Variants in GSTA3 observed in about 807,000 individuals in gnomAD.
GSTA3 encodes glutathione S-transferase A3.
A neutral mutation model predicts 23.1 loss-of-function variants in GSTA3; 16 were observed. The ratio of observed to expected loss-of-function variants is 0.69; its 90% confidence interval spans 0.47 to 1.05. The LOEUF (loss-of-function observed/expected upper bound fraction) is 1.05, where lower values mean the gene tolerates loss of function less well. Ranked by LOEUF, GSTA3 falls within the 50% of genes least tolerant of loss-of-function variation. The pLI, the probability that GSTA3 is intolerant of heterozygous loss-of-function variation, is 0.00. For missense variants in GSTA3, 319 were observed against 263.6 expected (o/e 1.21, Z -1.46); for synonymous variants, 122 against 91.0 (o/e 1.34, Z -1.94).
At position 52,902,358 on chromosome 6, in the gene GSTA3, T is replaced by A. The variant is rs1765715903; in HGVS notation, c.260A>T (p.Lys87Met). ...SKYNLYGKDIKERALIDMYTE... is the reference protein window; with the variant it reads ...SKYNLYGKDIMERALIDMYTE... ...AAATATACCGTACAGGGCTCTCTCC[T>A]TTATGTCTTTCCCGTAGAGGTTGTA... The change falls in exon 4 of 7, where the codon AAG (lysine) becomes ATG (methionine). Residue 87 changes from lysine to methionine, a missense_variant. By Grantham distance (95) the Lys-to-Met change is moderately conservative. Coordinates refer to ENST00000211122, the MANE Select transcript of GSTA3 (RefSeq NM_000847.5). The A allele has an allele frequency of 6.2e-7, 1 of 1,613,814 alleles. No individual in the cohort carries two copies. The highest frequency in any genetic ancestry group is 1.3e-5 in the African/African-American group (1 of 74,926).
chr6:52,905,848 T>C lies in GSTA3; in HGVS notation c.-14A>G, dbSNP rs1330876876. On this transcript the variant is annotated 5_prime_UTR_variant, in exon 2 of 7. Coordinates refer to ENST00000211122, the MANE Select transcript of GSTA3 (RefSeq NM_000847.5). ...CTTCCCTGCCATGGTAACAGTCTCT[T>C]GGTTTCTCTAAAATGAATGAATGAA... 6.5e-7 allele frequency: 1 copy of C among 1,531,104 alleles called. No individual in the cohort carries two copies. The highest frequency in any genetic ancestry group is 1.8e-5 in the Admixed American group (1 of 57,008). The allele number at this position is 1,531,104 out of a possible 1,614,324, so 94.8% of individuals were successfully genotyped here. A position where few individuals can be genotyped will look rare whatever the true frequency, so the allele number is the denominator to read the frequency against.
At chr6:52,909,277 T>C (rs925297280) in intron 1 of GSTA3, among the ~76,000 whole-genome samples, 3 of 152,222 alleles carry the variant, frequency 2.0e-5, no homozygotes, top group Non-Finnish European at 4.4e-5. Flanking sequence ...GTGTGTTGAC[T>C]CCTGTGAATC....
chr6:52,897,860 C>G lies in GSTA3; in HGVS notation c.511G>C (p.Asp171His), dbSNP rs1196936669. Residue 171 changes from aspartate to histidine, a missense_variant, in exon 6 of 7, where the codon GAC becomes CAC. Asp to His is a moderately conservative substitution (Grantham distance 81). Coordinates refer to ENST00000211122, the MANE Select transcript of GSTA3 (RefSeq NM_000847.5). ...VELLYYVEELDSSLISNFPLL... is the reference protein window; with the variant it reads ...VELLYYVEELHSSLISNFPLL... The stretch of plus-strand genomic sequence containing the variant: ...GGGAAGTTGGAGATAAGGCTGGAGT[C>G]AAGCTCTTCCACATAGTAGAGAAGT... 3.1e-6 allele frequency: 5 copies of G among 1,613,764 alleles called. No individual in the cohort carries two copies. The South Asian group carries it at 5.5e-5, about 18-fold the overall frequency.
At chr6:52,899,398 A>AC (rs1224200956) in intron 5 of GSTA3, among the ~76,000 whole-genome samples, 3 of 152,190 alleles carry the variant, frequency 2.0e-5, no homozygotes, top group Non-Finnish European at 4.4e-5. Flanking sequence ...TCTAGGAGTG[A>AC]ACTGCACTGA....
intron 2 of GSTA3, among the ~76,000 whole-genome samples, chr6:52,903,981 TTTTA>T (rs932441223): frequency 5.4e-4 from 82 of 152,138 alleles, no homozygotes; most frequent in Middle Eastern, 3.4e-3. Context: ...TTCTTTTTTA[TTTTA>T]TTTATTTATT....
intron 1 of GSTA3, among the ~76,000 whole-genome samples, chr6:52,906,176 T>C (rs1178589200): frequency 1.3e-5 from 2 of 152,242 alleles, no homozygotes; most frequent in Non-Finnish European, 2.9e-5. Context: ...AAAAACTATA[T>C]GTTCTATTGA....
At position 52,901,703 on chromosome 6, in the gene GSTA3, A is replaced by C. The variant is rs371127097; in HGVS notation, c.272+643T>G. Among the ~76,000 whole-genome samples the C allele has an allele frequency of 1.4e-4, 21 of 152,332 alleles. 1 individual carries two copies. Among genetic ancestry groups the C allele is most frequent in the African/African-American group, 5.1e-4 (21 of 41,582 alleles). ...CACTAAACTTTTTGAAGAACTGCCAACAGTTTCACATAGGATGTTATTTAG... is the reference window on the plus strand; with the variant it reads ...CACTAAACTTTTTGAAGAACTGCCACCAGTTTCACATAGGATGTTATTTAG... On this transcript the variant is annotated intron_variant, in intron 4 of 6. Transcript: ENST00000211122.
In GSTA3 at chr6:52,903,856, C is replaced by T. The variant is rs1025246112; in HGVS notation, c.88-129G>A. ...AGATTTCTGAGTTTGGCAGGGGACACAGAAGAAGCTGGTCATGGCCGCTTG... is the reference window on the plus strand; with the variant it reads ...AGATTTCTGAGTTTGGCAGGGGACATAGAAGAAGCTGGTCATGGCCGCTTG... On this transcript the variant is annotated intron_variant, in intron 2 of 6. Transcript: ENST00000211122. 2.2e-5 allele frequency: 14 copies of T among 637,424 alleles called. No individual in the cohort carries two copies. In the African/African-American group the frequency reaches 2.2e-4, roughly 10 times the overall value. 39.5% of individuals were successfully genotyped at this position (637,424 alleles called of 1,614,324 possible).
At position 52,902,472 on chromosome 6, in the gene GSTA3, C is replaced by T; in HGVS notation, c.146G>A (p.Ser49Asn). 2 of 1,606,936 alleles carry T rather than the reference C, an allele frequency of 1.2e-6. No homozygotes were observed. Among genetic ancestry groups the T allele is most frequent in the East Asian group, 4.5e-5 (2 of 44,844 alleles). Reference sequence around the variant, plus strand: ...CATTGGTACTTGCTGGAACATCAAACTCCCATCTTTAGAAAGAAGGAAAAA... The same window carrying T: ...CATTGGTACTTGCTGGAACATCAAATTCCCATCTTTAGAAAGAAGGAAAAA... ...EDLGKLRNDG[S>N]LMFQQVPMVE... Residue 49 changes from serine to asparagine, a missense_variant, in exon 4 of 7, where the codon AGT (serine) becomes AAT (asparagine). Ser to Asn is a conservative substitution (Grantham distance 46). Transcript: ENST00000211122.
rs1345567185 is a variant in GSTA3, at chr6:52,897,062, C to G, written c.547-134G>C. The G allele has an allele frequency of 4.1e-6, 5 of 1,228,158 alleles. No homozygotes were observed. In the Admixed American group the frequency reaches 7.3e-5, roughly 18 times the overall value. The allele number at this position is 1,228,158 out of a possible 1,614,324, so 76.1% of individuals were successfully genotyped here. Reference sequence around the variant, plus strand: ...ATCAGCACCAGCATGGAGGCAGAAACAGACACCCAGTGATAAATGAAGATA... The same window carrying G: ...ATCAGCACCAGCATGGAGGCAGAAAGAGACACCCAGTGATAAATGAAGATA... On this transcript the variant is annotated intron_variant, in intron 6 of 6. Coordinates refer to ENST00000211122, the MANE Select transcript of GSTA3 (RefSeq NM_000847.5).
At chr6:52,908,999 G>A (rs2127366130) in intron 1 of GSTA3, among the ~76,000 whole-genome samples, 1 of 152,216 alleles carries the variant, frequency 6.6e-6, no homozygotes, top group Admixed American at 6.5e-5. Context: ...ACAAAGAGAA[G>A]GAGGGAAGAA....
intron 2 of GSTA3, among the ~76,000 whole-genome samples, chr6:52,904,865 A>C (rs897355875): frequency 7.9e-5 from 12 of 151,902 alleles, no homozygotes; most frequent in African/African-American, 2.9e-4. Context: ...AGAAGCCCCC[A>C]CCCCTGATTT....
In GSTA3 at chr6:52,900,665, C is replaced by T. The variant is rs571633764; in HGVS notation, c.273-590G>A. Among the ~76,000 whole-genome samples the T allele has an allele frequency of 1.7e-3, 263 of 152,290 alleles. 1 individual carries two copies. The highest frequency in any genetic ancestry group is 6.0e-3 in the African/African-American group (251 of 41,544). On this transcript the variant is annotated intron_variant, in intron 4 of 6. Transcript: ENST00000211122. ...ACAAAGAGCATCGGTGACCTGTCTA[C>T]AGTCACAGTCATGAGAGAAATTGGT...
Position 52,901,071 on chromosome 6 carries a change from T to C in GSTA3, c.273-996A>G, listed in dbSNP as rs143674416. On this transcript the variant is annotated intron_variant, in intron 4 of 6. Coordinates refer to ENST00000211122, the MANE Select transcript of GSTA3 (RefSeq NM_000847.5). ...ACATATTTTAGGAAACCTTTTTTTCTTTTGTGTTTAATTAGGTTTTCCACA... is the reference window on the plus strand; with the variant it reads ...ACATATTTTAGGAAACCTTTTTTTCCTTTGTGTTTAATTAGGTTTTCCACA... Among the ~76,000 whole-genome samples, 582 of 152,334 alleles carry C rather than the reference T, an allele frequency of 3.8e-3. 5 individuals are homozygous for C. Among genetic ancestry groups the C allele is most frequent in the African/African-American group, 0.013 (548 of 41,566 alleles).
At chr6:52,903,494 G>T (rs896347831) in intron 3 of GSTA3, among the ~76,000 whole-genome samples, 182 bp downstream of exon 3, 13 of 151,400 alleles carry the variant, frequency 8.6e-5, no homozygotes, top group Non-Finnish European at 2.9e-5. Context: ...CTACTCGGGA[G>T]GCTGAGGCAG....
At chr6:52,907,546 C>T (rs1765933915) in intron 1 of GSTA3, among the ~76,000 whole-genome samples, 1 of 150,702 alleles carries the variant, frequency 6.6e-6, no homozygotes, top group African/African-American at 2.5e-5. Flanking sequence ...TGGCACTATT[C>T]ACAATAGCAA....
chr6:52,904,676 T>C (rs1237066998), intron 2 of GSTA3, among the ~76,000 whole-genome samples: 1 of 152,162 alleles, frequency 6.6e-6, no homozygotes, highest in Non-Finnish European at 1.5e-5. Flanking sequence ...TTACTTACTC[T>C]GGAGGAAAAC....
rs777093604 is a variant in GSTA3, at chr6:52,903,665, C to T, written c.139+11G>A. ...TACCCTCATCAGAGGCACTTAGAGA[C>T]TTGATCTTACCATTTCTTAACTTTC... On this transcript the variant is annotated intron_variant, in intron 3 of 6. Coordinates refer to ENST00000211122, the MANE Select transcript of GSTA3 (RefSeq NM_000847.5). 6 of 1,473,704 alleles carry T rather than the reference C, an allele frequency of 4.1e-6. No homozygotes were observed. In the South Asian group the frequency reaches 4.5e-5, roughly 11 times the overall value. The allele number at this position is 1,473,704 out of a possible 1,614,324, so 91.3% of individuals were successfully genotyped here. A position where few individuals can be genotyped will look rare whatever the true frequency, so the allele number is the denominator to read the frequency against.
At chr6:52,905,923 T>A in intron 1 of GSTA3, 68 bp from the exon 2 acceptor site, 1 of 707,318 alleles carries the variant, frequency 1.4e-6, no homozygotes, top group Non-Finnish European at 2.5e-6. Context: ...TGCACGCTAG[T>A]ATATGAATGG....
Sources: allele counts gnomAD v4.1 joint callset (sites outside exome capture counted in the v4.1 genomes callset), GRCh38; gene constraint gnomAD v4.1.1; transcripts MANE v1.5; gene names NCBI Gene and HGNC (gene_info 2026-07-23, HGNC 2026-07-21).